Variants in VRK1 observed in about 807,000 individuals in gnomAD.
VRK1 encodes VRK serine/threonine kinase 1.
Under a neutral mutation model 57.1 loss-of-function variants are expected in VRK1, and 33 were observed. The observed-to-expected ratio is 0.58, with a 90% CI of 0.44 to 0.77. VRK1 has a LOEUF of 0.77. VRK1 is among the 30% of genes least tolerant of loss of function. The pLI is 0.00. For synonymous variants in VRK1, 137 were observed against 147.8 expected (o/e 0.93, Z 0.53); for missense variants, 413 against 477.3 (o/e 0.87, Z 1.25).
intron 5 of VRK1, among the ~76,000 whole-genome samples, chr14:96,850,213 A>G (rs560083570): frequency 6.6e-6 from 1 of 152,364 alleles, no homozygotes; most frequent in East Asian, 1.9e-4. Context: ...AAAGAAATAG[A>G]AAGTAGATTA....
At chr14:96,802,287 C>T (rs373992304) in intron 1 of VRK1, among the ~76,000 whole-genome samples, 197 of 152,182 alleles carry the variant, frequency 1.3e-3, no homozygotes, top group African/African-American at 4.5e-3. Context: ...TAAAAACGTT[C>T]ACAAAAAAAC....
chr14:96,836,470 T>C (rs1887216606), intron 2 of VRK1, among the ~76,000 whole-genome samples: 1 of 152,048 alleles, frequency 6.6e-6, no homozygotes. Context: ...CCAGCTACTT[T>C]TGCCTCCTTG....
At chr14:96,808,067 A>G (rs1885982729) in intron 1 of VRK1, among the ~76,000 whole-genome samples, 1 of 138,436 alleles carries the variant, frequency 7.2e-6, no homozygotes, top group Non-Finnish European at 1.5e-5. Context: ...ATGTGATTGA[A>G]AAGAGATTGA....
At chr14:96,816,601 A>C (rs566003733) in intron 1 of VRK1, among the ~76,000 whole-genome samples, 6 of 152,314 alleles carry the variant, frequency 3.9e-5, no homozygotes, top group Admixed American at 1.3e-4. Context: ...AATGAGTAAT[A>C]AGCCTGTCTC....
At chr14:96,877,889 GTCT>G (rs1459111165) in intron 12 of VRK1, among the ~76,000 whole-genome samples, 4 of 151,986 alleles carry the variant, frequency 2.6e-5, no homozygotes, top group Non-Finnish European at 5.9e-5. Flanking sequence ...TTAGTTTAAG[GTCT>G]TCTACTGATG....
chr14:96,817,611 A>G (rs1433195183), intron 1 of VRK1, among the ~76,000 whole-genome samples: 1 of 152,130 alleles, frequency 6.6e-6, no homozygotes, highest in Non-Finnish European at 1.5e-5. Context: ...CCCCAAGACT[A>G]TATAGGGAAA....
chr14:96,804,830 C>T (rs895836277), intron 1 of VRK1, among the ~76,000 whole-genome samples: 1 of 152,162 alleles, frequency 6.6e-6, no homozygotes, highest in African/African-American at 2.4e-5. Context: ...TTATAAATTC[C>T]TAGTATTTTC....
intron 11 of VRK1, among the ~76,000 whole-genome samples, chr14:96,870,118 C>G (rs1888758821): frequency 6.6e-6 from 1 of 152,188 alleles, no homozygotes; most frequent in Admixed American, 6.5e-5. Flanking sequence ...TAGGTTATCA[C>G]TGAGCATTTA....
chr14:96,873,823 C>A (rs1006709683), intron 11 of VRK1, among the ~76,000 whole-genome samples: 1 of 152,176 alleles, frequency 6.6e-6, no homozygotes, highest in Non-Finnish European at 1.5e-5. Flanking sequence ...GGTCTGTAGA[C>A]CACTGGCCCT....
chr14:96,850,711 A>G (rs1887912784), intron 5 of VRK1, among the ~76,000 whole-genome samples: 1 of 152,194 alleles, frequency 6.6e-6, no homozygotes, highest in African/African-American at 2.4e-5. Flanking sequence ...CCTGTGTATT[A>G]CAGGTTAAGT....
chr14:96,814,975 G>A (rs777679210), intron 1 of VRK1, among the ~76,000 whole-genome samples: 5 of 152,132 alleles, frequency 3.3e-5, no homozygotes, highest in Non-Finnish European at 7.4e-5. Context: ...TGTATATAAT[G>A]CTGCAGTAAC....
intron 12 of VRK1, chr14:96,877,479 TG>T (rs1366478232): frequency 3.1e-6 from 4 of 1,289,040 alleles, no homozygotes; most frequent in Non-Finnish European, 4.0e-6. Context: ...TCCTTTCCCC[TG>T]TCTTGTTCAT....
chr14:96,844,189 G>A (rs1414004161), intron 3 of VRK1, among the ~76,000 whole-genome samples: 2 of 152,148 alleles, frequency 1.3e-5, no homozygotes, highest in Non-Finnish European at 2.9e-5. Flanking sequence ...GCCATTGGCT[G>A]GAAACACTGC....
At chr14:96,847,765 GCCCACACAAGATTAGGCTCA>G (rs1406271051) in intron 5 of VRK1, among the ~76,000 whole-genome samples, 5 of 152,296 alleles carry the variant, frequency 3.3e-5, no homozygotes, top group African/African-American at 1.2e-4. Context: ...TACATAATCT[GCCCACACAAGATTAGGCTCA>G]CCCTTTATGA....
chr14:96,805,331 A>G (rs973359871), intron 1 of VRK1, among the ~76,000 whole-genome samples: 1 of 152,234 alleles, frequency 6.6e-6, no homozygotes, highest in African/African-American at 2.4e-5. Flanking sequence ...ATATTAAAGG[A>G]TACACTAGAA....
At chr14:96,832,517 C>T (rs987429617) in intron 1 of VRK1, among the ~76,000 whole-genome samples, 1 of 152,156 alleles carries the variant, frequency 6.6e-6, no homozygotes, top group Non-Finnish European at 1.5e-5. Context: ...AAGTGAGTTA[C>T]ACCTGAGGGC....
At chr14:96,844,340 CCTT>C (rs969133203) in intron 3 of VRK1, among the ~76,000 whole-genome samples, 1 of 152,118 alleles carries the variant, frequency 6.6e-6, no homozygotes, top group African/African-American at 2.4e-5. Flanking sequence ...GTTAGTTCCT[CCTT>C]CTTAAGGAGT....
intron 1 of VRK1, among the ~76,000 whole-genome samples, chr14:96,815,727 A>T (rs1192096385): frequency 1.3e-5 from 2 of 151,874 alleles, no homozygotes; most frequent in Non-Finnish European, 2.9e-5. Context: ...TACTAAAAAA[A>T]AAAAGAAACA....
chr14:96,874,782 A>C (rs1415564536), intron 11 of VRK1, among the ~76,000 whole-genome samples: 1 of 152,216 alleles, frequency 6.6e-6, no homozygotes, highest in Non-Finnish European at 1.5e-5. Context: ...GTTTTAAGGT[A>C]ATGTGCCTTG....
Sources: allele counts gnomAD v4.1 joint callset (sites outside exome capture counted in the v4.1 genomes callset), GRCh38; gene constraint gnomAD v4.1.1; transcripts MANE v1.5; gene names NCBI Gene and HGNC (gene_info 2026-07-23, HGNC 2026-07-21).